Variants in NLGN1 observed in about 807,000 individuals in gnomAD.
NLGN1 encodes the protein neuroligin 1.
In NLGN1, 12 loss-of-function variants were observed where a neutral mutation model predicts 65.5. The observed-to-expected ratio is 0.18, with a 90% CI of 0.12 to 0.30. NLGN1 has a LOEUF of 0.30. Among genes scored for constraint, NLGN1 ranks in the 10% least tolerant of loss-of-function variants. The pLI is 1.00. For synonymous variants in NLGN1, 350 were observed against 359.5 expected, an observed-to-expected ratio of 0.97 and a Z score of 0.30; for missense variants, 750 against 1,007.1, an observed-to-expected ratio of 0.74 and a Z score of 3.46.
chr3:173,630,091 TG>T (rs1755444616), intron 3 of NLGN1, among the ~76,000 whole-genome samples: 1 of 152,148 alleles, frequency 6.6e-6, no homozygotes, highest in African/African-American at 2.4e-5. Flanking sequence ...ATGTGAGACG[TG>T]TCTGGGATAA....
intron 4 of NLGN1, among the ~76,000 whole-genome samples, chr3:174,269,635 G>GTACT (rs1447605191): frequency 2.6e-5 from 4 of 151,872 alleles, no homozygotes; most frequent in African/African-American, 9.7e-5. Flanking sequence ...ATTATAAATA[G>GTACT]TACTTAGATG....
intron 4 of NLGN1, among the ~76,000 whole-genome samples, chr3:174,175,539 T>C (rs1729286434): frequency 1.3e-5 from 2 of 151,910 alleles, no homozygotes; most frequent in South Asian, 4.1e-4. Flanking sequence ...TGAAGTTTTC[T>C]TGACCTTTAC....
At chr3:174,218,287 G>C (rs1738007346) in intron 4 of NLGN1, among the ~76,000 whole-genome samples, 2 of 151,794 alleles carry the variant, frequency 1.3e-5, no homozygotes, top group Admixed American at 6.6e-5. Flanking sequence ...GAGGATTTAA[G>C]GCAGACAATA....
intron 3 of NLGN1, among the ~76,000 whole-genome samples, chr3:173,783,730 T>C (rs1206310319): frequency 1.3e-5 from 2 of 152,212 alleles, no homozygotes; most frequent in Non-Finnish European, 2.9e-5. Context: ...TTCTCCAGCC[T>C]CAGCCTCCTG....
chr3:173,698,151 C>G (rs1165986663), intron 3 of NLGN1, among the ~76,000 whole-genome samples: 1 of 151,894 alleles, frequency 6.6e-6, no homozygotes, highest in Non-Finnish European at 1.5e-5. Context: ...TGTTCTGTTG[C>G]AGAAGATGTT....
At chr3:174,027,597 T>C (rs1353380181) in intron 4 of NLGN1, among the ~76,000 whole-genome samples, 1 of 152,108 alleles carries the variant, frequency 6.6e-6, no homozygotes, top group Non-Finnish European at 1.5e-5. Context: ...TATATTATTA[T>C]TACTGCAACA....
chr3:174,015,859 C>T (rs942300497), intron 4 of NLGN1, among the ~76,000 whole-genome samples: 4 of 151,972 alleles, frequency 2.6e-5, no homozygotes, highest in Admixed American at 1.3e-4. Context: ...ACGAAAAATG[C>T]TCATGCAGAA....
At chr3:174,044,743 T>G (rs781336607) in intron 4 of NLGN1, among the ~76,000 whole-genome samples, 14 of 152,204 alleles carry the variant, frequency 9.2e-5, no homozygotes, top group South Asian at 8.3e-4. Flanking sequence ...CTTCCAAATC[T>G]CATATTGATT....
intron 4 of NLGN1, among the ~76,000 whole-genome samples, chr3:174,201,724 C>G (rs564085031): frequency 6.6e-6 from 1 of 152,294 alleles, no homozygotes; most frequent in African/African-American, 2.4e-5. Flanking sequence ...CACCCAGCAG[C>G]ATTGCCATCT....
intron 2 of NLGN1, among the ~76,000 whole-genome samples, chr3:173,528,459 T>C (rs6808617): frequency 0.52 from 79,556 of 151,842 alleles, 21,325 homozygotes; most frequent in East Asian, 0.82. Flanking sequence ...GTTTTCTCAG[T>C]TTATTGTATC....
In NLGN1 at chr3:174,268,961, G is replaced by GT. The variant is rs1460159207; in HGVS notation, c.647-6343dup. ...GATATTAACCTCATTTCAGAGCCAG[G>GT]TTTTTTTTTTTCCAAAGGATACACA... On this transcript the variant is annotated intron_variant, in intron 4 of 6. Transcript: ENST00000457714. 1.7e-3 allele frequency among the ~76,000 whole-genome samples: 243 copies of GT among 145,516 alleles called. 1 individual carries two copies. The highest frequency in any genetic ancestry group is 3.6e-3 in the Middle Eastern group (1 of 278).
intron 3 of NLGN1, among the ~76,000 whole-genome samples, chr3:173,659,717 T>G (rs547340928): frequency 5.3e-5 from 8 of 151,904 alleles, no homozygotes; most frequent in African/African-American, 1.9e-4. Context: ...GGTGTGTACC[T>G]TATGGTTTCT....
downstream of NLGN1, among the ~76,000 whole-genome samples, chr3:174,291,535 A>G (rs1209469436): frequency 6.6e-6 from 1 of 151,260 alleles, no homozygotes; most frequent in African/African-American, 2.4e-5. Context: ...CTTTTGTTAT[A>G]TAATTAGATC....
At chr3:173,493,059 T>G (rs1423921616) in intron 2 of NLGN1, among the ~76,000 whole-genome samples, 1 of 151,830 alleles carries the variant, frequency 6.6e-6, no homozygotes, top group Non-Finnish European at 1.5e-5. Context: ...CTGCACTTAT[T>G]GAATTCACAT....
chr3:173,752,917 C>G (rs1422154779), intron 3 of NLGN1, among the ~76,000 whole-genome samples: 1 of 152,100 alleles, frequency 6.6e-6, no homozygotes, highest in African/African-American at 2.4e-5. Flanking sequence ...AATGTCCACT[C>G]TCCTCCGATA....
chr3:173,835,844 A>G (rs1257300071), intron 4 of NLGN1, among the ~76,000 whole-genome samples: 5 of 152,176 alleles, frequency 3.3e-5, no homozygotes, highest in Admixed American at 6.5e-5. Flanking sequence ...ATCAGAATAG[A>G]CATAAATCAA....
chr3:173,980,206 A>G (rs1486507442), intron 4 of NLGN1, among the ~76,000 whole-genome samples: 1 of 152,106 alleles, frequency 6.6e-6, no homozygotes, highest in Non-Finnish European at 1.5e-5. Flanking sequence ...TAAAAATATT[A>G]TGTATTAAAT....
chr3:173,603,991 A>T (rs1750977281), intron 2 of NLGN1, among the ~76,000 whole-genome samples: 1 of 151,968 alleles, frequency 6.6e-6, no homozygotes, highest in Admixed American at 6.6e-5. Context: ...CACACCTAAC[A>T]TTCAGTATTT....
intron 4 of NLGN1, among the ~76,000 whole-genome samples, chr3:174,005,786 G>A (rs1303645922): frequency 2.0e-5 from 3 of 151,804 alleles, no homozygotes; most frequent in African/African-American, 7.3e-5. Flanking sequence ...GGTGCCTGGG[G>A]TCTCTTTTAT....
Sources: allele counts gnomAD v4.1 joint callset (sites outside exome capture counted in the v4.1 genomes callset), GRCh38; gene constraint gnomAD v4.1.1; transcripts MANE v1.5; gene names NCBI Gene and HGNC (gene_info 2026-07-23, HGNC 2026-07-21).